Variants in CHRM3 observed in about 807,000 individuals in gnomAD.
CHRM3 encodes muscarinic acetylcholine receptor M3.
A neutral mutation model predicts 41.8 loss-of-function variants in CHRM3; 11 were observed. That is an observed-to-expected ratio of 0.26 (90% CI 0.17 to 0.44). The LOEUF is 0.44. Ranked by LOEUF, CHRM3 falls within the 20% of genes least tolerant of loss-of-function variation. The probability of loss-of-function intolerance (pLI) is 1.00; values close to 1 mark genes in which losing one functional copy is unlikely to be tolerated. For missense variants in CHRM3, 571 were observed against 745.4 expected, an observed-to-expected ratio of 0.77 and a Z score of 2.72; for synonymous variants, 297 against 301.4, an observed-to-expected ratio of 0.99 and a Z score of 0.15.
At chr1:239,658,252 C>G (rs1672889665) in intron 4 of CHRM3, among the ~76,000 whole-genome samples, 1 of 152,108 alleles carries the variant, frequency 6.6e-6, no homozygotes, top group African/African-American at 2.4e-5. Context: ...AATGGGCTTC[C>G]TCTGTTTGAC....
chr1:239,449,870 G>A (rs927442882), intron 1 of CHRM3, among the ~76,000 whole-genome samples: 5 of 152,038 alleles, frequency 3.3e-5, no homozygotes, highest in Admixed American at 6.6e-5. Context: ...AAGTCCCTGC[G>A]TGTTAGGAAG....
chr1:239,892,132 C>T (rs1678604321), intron 6 of CHRM3, among the ~76,000 whole-genome samples: 1 of 152,180 alleles, frequency 6.6e-6, no homozygotes, highest in Admixed American at 6.5e-5. Context: ...TTTTGTGTGA[C>T]TGGTTCAACT....
intron 6 of CHRM3, among the ~76,000 whole-genome samples, chr1:239,850,775 C>T (rs2149220584): frequency 6.6e-6 from 1 of 152,266 alleles, no homozygotes; most frequent in East Asian, 1.9e-4. Flanking sequence ...TGGCACTTCT[C>T]CTTGCTGCTG....
chr1:239,864,544 ACG>A (rs1491071036), intron 6 of CHRM3, among the ~76,000 whole-genome samples: 6,192 of 150,586 alleles, frequency 0.041, 421 homozygotes, highest in African/African-American at 0.14. Flanking sequence ...ACACACACAC[ACG>A]CACACACACA....
Position 239,454,719 on chromosome 1 carries a change from T to C in CHRM3, c.-520-37990T>C, listed in dbSNP as rs556776942. Among the ~76,000 whole-genome samples, 48 of 152,262 alleles carry C rather than the reference T, an allele frequency of 3.2e-4. No homozygotes were observed. In the South Asian group the frequency reaches 3.3e-3, roughly 11 times the overall value. On this transcript the variant is annotated intron_variant, in intron 1 of 6. Transcript: ENST00000676153. Reference sequence around the variant, plus strand: ...ACAGTGCTTTGGAGATTTCAAAAGTTGTAGGAGCTGTTTGCAAGGAACAGG... The same window carrying C: ...ACAGTGCTTTGGAGATTTCAAAAGTCGTAGGAGCTGTTTGCAAGGAACAGG...
At chr1:239,821,339 A>G (rs181737069) in intron 5 of CHRM3, among the ~76,000 whole-genome samples, 210 of 152,366 alleles carry the variant, frequency 1.4e-3, no homozygotes, top group African/African-American at 3.8e-3. Flanking sequence ...ATACTTCAGC[A>G]TATGGGGTAG....
chr1:239,850,670 A>T (rs1301422476), intron 6 of CHRM3, among the ~76,000 whole-genome samples: 1 of 152,116 alleles, frequency 6.6e-6, no homozygotes, highest in African/African-American at 2.4e-5. Flanking sequence ...AGGTAGTTAG[A>T]TCATGGGAGT....
intron 2 of CHRM3, among the ~76,000 whole-genome samples, chr1:239,499,967 A>G (rs1170375270): frequency 6.6e-6 from 1 of 152,166 alleles, no homozygotes; most frequent in Non-Finnish European, 1.5e-5. Flanking sequence ...CCACCACTAC[A>G]AGAACTGCTA....
At chr1:239,496,745 G>T (rs981052294) in intron 2 of CHRM3, among the ~76,000 whole-genome samples, 6 of 151,978 alleles carry the variant, frequency 3.9e-5, no homozygotes, top group Non-Finnish European at 7.4e-5. Context: ...TTTTTAAAAA[G>T]AATTTTGTTG....
chr1:239,407,170 A>G (rs1201348032), intron 1 of CHRM3, among the ~76,000 whole-genome samples: 1 of 152,062 alleles, frequency 6.6e-6, no homozygotes, highest in Non-Finnish European at 1.5e-5. Flanking sequence ...AGAAGTCTAT[A>G]TAGCTTGCTT....
At chr1:239,650,914 T>C (rs989758938) in intron 4 of CHRM3, among the ~76,000 whole-genome samples, 5 of 152,194 alleles carry the variant, frequency 3.3e-5, no homozygotes, top group African/African-American at 9.6e-5. Flanking sequence ...TATGTAAATA[T>C]GTGTAAATTT....
rs1288086661 is a variant in CHRM3, at chr1:239,910,654, G to A, written c.*1430G>A. ...AAATGTTAACTGTTTCATTTGGGGA[G>A]GGGATGGGGTGCTGCCATCATTGTC... is the stretch of plus-strand genomic sequence containing the variant. On this transcript the variant is annotated 3_prime_UTR_variant, in exon 7 of 7. Transcript: ENST00000676153. 8.4e-5 allele frequency: 14 copies of A among 166,596 alleles called. No homozygotes were observed. The Admixed American group carries it at 9.2e-4, about 11-fold the overall frequency. 10.3% of individuals were successfully genotyped at this position (166,596 alleles called of 1,614,324 possible).
At chr1:239,602,090 ATGTG>A (rs1553337601) in intron 3 of CHRM3, among the ~76,000 whole-genome samples, 30 of 131,230 alleles carry the variant, frequency 2.3e-4, no homozygotes, top group African/African-American at 9.4e-4. Context: ...ACATATATAC[ATGTG>A]TGTGTGTGTG....
At chr1:239,610,273 A>G (rs1215510122) in intron 3 of CHRM3, among the ~76,000 whole-genome samples, 1 of 151,756 alleles carries the variant, frequency 6.6e-6, no homozygotes, top group Non-Finnish European at 1.5e-5. Context: ...AATTCATCCA[A>G]TTGAACTTCA....
chr1:239,616,555 T>A (rs1394608276), intron 3 of CHRM3, among the ~76,000 whole-genome samples: 1 of 152,124 alleles, frequency 6.6e-6, no homozygotes, highest in Admixed American at 6.6e-5. Context: ...ATTTGATCAT[T>A]TTCTGAAAGA....
chr1:239,483,564 C>A (rs929971425), intron 1 of CHRM3, among the ~76,000 whole-genome samples: 1 of 152,320 alleles, frequency 6.6e-6, no homozygotes, highest in African/African-American at 2.4e-5. Flanking sequence ...ATCATTTTGA[C>A]AAGATGCTTT....
At chr1:239,720,624 T>TG (rs1662873118) in intron 5 of CHRM3, among the ~76,000 whole-genome samples, 1 of 151,952 alleles carries the variant, frequency 6.6e-6, no homozygotes, top group Non-Finnish European at 1.5e-5. Context: ...TATAGAGATT[T>TG]GGGGAATTTC....
chr1:239,648,581 G>T, intron 4 of CHRM3, among the ~76,000 whole-genome samples: 1 of 152,142 alleles, frequency 6.6e-6, no homozygotes, highest in East Asian at 1.9e-4. Flanking sequence ...TGGATGAGGG[G>T]GAATTCTGGA....
chr1:239,582,314 A>G (rs1572785316), intron 3 of CHRM3, among the ~76,000 whole-genome samples: 1 of 152,204 alleles, frequency 6.6e-6, no homozygotes, highest in African/African-American at 2.4e-5. Flanking sequence ...GACCTATATT[A>G]TCATCTCATG....
Sources: gnomAD v4.1 joint callset for allele counts (sites outside exome capture counted in the v4.1 genomes callset) on GRCh38, gnomAD v4.1.1 for gene constraint, MANE v1.5 for transcripts, NCBI Gene and HGNC (gene_info 2026-07-23, HGNC 2026-07-21) for gene names.